Variants in PHKB observed in about 807,000 individuals in gnomAD.
PHKB encodes phosphorylase kinase regulatory subunit beta.
A neutral mutation model predicts 152.1 loss-of-function variants in PHKB; 122 were observed. That is an observed-to-expected ratio of 0.80 (90% CI 0.69 to 0.93). The LOEUF (loss-of-function observed/expected upper bound fraction) is 0.93. Among genes scored for constraint, PHKB ranks in the 40% least tolerant of loss-of-function variants. PHKB has a pLI of 0.00. For synonymous variants in PHKB, 436 were observed against 464.9 expected, an observed-to-expected ratio of 0.94 and a Z score of 0.80; for missense variants, 1,304 against 1,328.4, an observed-to-expected ratio of 0.98 and a Z score of 0.29.
At chr16:47,645,611 C>T (rs1001432316) in intron 16 of PHKB, among the ~76,000 whole-genome samples, 1 of 150,012 alleles carries the variant, frequency 6.7e-6, no homozygotes, top group Non-Finnish European at 1.5e-5. Context: ...GTTTTGGTTA[C>T]TGTAGCCTTG....
At chr16:47,592,060 A>G (rs1381216075) in intron 10 of PHKB, among the ~76,000 whole-genome samples, 1 of 152,164 alleles carries the variant, frequency 6.6e-6, no homozygotes, top group Non-Finnish European at 1.5e-5. Context: ...GCTACTAAAC[A>G]TTCCTGCACC....
At chr16:47,638,157 A>G (rs745364832) in intron 14 of PHKB, among the ~76,000 whole-genome samples, 10 of 152,170 alleles carry the variant, frequency 6.6e-5, no homozygotes, top group Non-Finnish European at 1.0e-4. Flanking sequence ...GAAGGTGTTA[A>G]GTCACCTGAG....
chr16:47,512,070 C>T (rs1011133123), intron 5 of PHKB, among the ~76,000 whole-genome samples: 9 of 152,342 alleles, frequency 5.9e-5, no homozygotes, highest in African/African-American at 2.2e-4. Context: ...GTAATGCTTG[C>T]TCACTGCTGC....
chr16:47,596,439 C>G lies in PHKB; in HGVS notation c.1271C>G (p.Pro424Arg). Residue 424 changes from proline to arginine, a missense_variant, in exon 13 of 31, where the codon CCT becomes CGT. Pro to Arg is a moderately radical substitution (Grantham distance 103). Coordinates refer to ENST00000323584, the MANE Select transcript of PHKB (RefSeq NM_000293.3). ...TTTGTAGAATATGAAAAAAATAACC[C>G]TGGTAGTCAAAAACGATTTCCTAGC... ...ADFVEYEKNNPGSQKRFPSNC... is the reference protein window; with the variant it reads ...ADFVEYEKNNRGSQKRFPSNC... 1 of 1,612,738 alleles carries G rather than the reference C, an allele frequency of 6.2e-7. No individual in the cohort carries two copies. Among genetic ancestry groups the G allele is most frequent in the Non-Finnish European group, 8.5e-7 (1 of 1,178,794 alleles).
At chr16:47,490,754 C>T (rs1001165817) in intron 1 of PHKB, among the ~76,000 whole-genome samples, 1 of 152,322 alleles carries the variant, frequency 6.6e-6, no homozygotes, top group East Asian at 1.9e-4. Flanking sequence ...ATAACCCTTT[C>T]CAAATTTTGC....
At chr16:47,532,644 C>T (rs1184974510) in intron 6 of PHKB, among the ~76,000 whole-genome samples, 2 of 152,236 alleles carry the variant, frequency 1.3e-5, no homozygotes, top group Admixed American at 6.5e-5. Flanking sequence ...GGACCAGGTG[C>T]ACTGTAAGCA....
chr16:47,544,159 A>G (rs913272539), intron 6 of PHKB, among the ~76,000 whole-genome samples: 2 of 151,968 alleles, frequency 1.3e-5, no homozygotes, highest in South Asian at 4.1e-4. Context: ...TTGCTTTTCT[A>G]GTTCTTTTAA....
At chr16:47,479,638 C>T (rs528279231) in intron 1 of PHKB, among the ~76,000 whole-genome samples, 1 of 152,168 alleles carries the variant, frequency 6.6e-6, no homozygotes, top group African/African-American at 2.4e-5. Context: ...AGTCTATCTA[C>T]AGCATCATAT....
At chr16:47,476,409 A>G (rs1359396327) in intron 1 of PHKB, among the ~76,000 whole-genome samples, 3 of 152,080 alleles carry the variant, frequency 2.0e-5, no homozygotes, top group Non-Finnish European at 4.4e-5. Flanking sequence ...AGTAAGGCTC[A>G]ATTAGTTTGT....
chr16:47,661,708 T>G lies in PHKB; in HGVS notation c.2197-11T>G, dbSNP rs561238652. The stretch of plus-strand genomic sequence containing the variant: ...TTCATTCCAGTTCCTCACCGTGATT[T>G]ATATTTTCAGGATTGCAGTTGTCTG... On this transcript the variant is annotated splice_polypyrimidine_tract_variant and intron_variant, in intron 22 of 30. Transcript: ENST00000323584. 6.3e-7 allele frequency: 1 copy of G among 1,598,908 alleles called. No individual in the cohort carries two copies. Among genetic ancestry groups the G allele is most frequent in the South Asian group, 1.1e-5 (1 of 90,792 alleles).
intron 1 of PHKB, among the ~76,000 whole-genome samples, chr16:47,484,828 A>G (rs1001807672): frequency 7.9e-5 from 12 of 152,228 alleles, no homozygotes; most frequent in African/African-American, 2.9e-4. Context: ...TCCTTTTTCC[A>G]TTTAAAAAAT....
At chr16:47,646,787 G>T (rs1452073928) in intron 16 of PHKB, among the ~76,000 whole-genome samples, 1 of 152,058 alleles carries the variant, frequency 6.6e-6, no homozygotes, top group East Asian at 1.9e-4. Context: ...ATTTCAAAGA[G>T]AATGTATTCT....
At chr16:47,623,805 G>T (rs910722053) in intron 14 of PHKB, among the ~76,000 whole-genome samples, 2 of 151,962 alleles carry the variant, frequency 1.3e-5, no homozygotes, top group South Asian at 2.1e-4. Context: ...TGATCCACCC[G>T]CCTCAGCCTT....
In PHKB at chr16:47,671,762, G is replaced by A. The variant is rs370039003; in HGVS notation, c.2630+2345G>A. ...AGCAGTCTTCCTTTCAGCATTATCC[G>A]AAATAGTGAAACATTGCGAACAACC... On this transcript the variant is annotated intron_variant, in intron 26 of 30. Coordinates refer to ENST00000323584, the MANE Select transcript of PHKB (RefSeq NM_000293.3). Among the ~76,000 whole-genome samples, 9 of 152,218 alleles carry A rather than the reference G, an allele frequency of 5.9e-5. No individual in the cohort carries two copies. In the East Asian group the frequency reaches 7.7e-4, roughly 13 times the overall value.
At chr16:47,538,470 G>A (rs1970993746) in intron 6 of PHKB, among the ~76,000 whole-genome samples, 1 of 152,218 alleles carries the variant, frequency 6.6e-6, no homozygotes, top group Non-Finnish European at 1.5e-5. Flanking sequence ...ATGTTTTGGA[G>A]AAATCTAGAA....
intron 7 of PHKB, among the ~76,000 whole-genome samples, chr16:47,555,753 T>C (rs1283161231): frequency 2.0e-5 from 3 of 152,222 alleles, no homozygotes; most frequent in African/African-American, 7.2e-5. Context: ...GACTTGGCGA[T>C]GTGGGCTCGT....
chr16:47,641,873 T>G lies in PHKB; in HGVS notation c.1608+181T>G, dbSNP rs548741928. On this transcript the variant is annotated intron_variant, in intron 16 of 30. Coordinates refer to ENST00000323584, the MANE Select transcript of PHKB (RefSeq NM_000293.3). ...TGGACATTGTTACTAAAAAAAAAAC[T>G]TTGCACTGTGTATATGTGTGTGTGC... 3.6e-4 allele frequency among the ~76,000 whole-genome samples: 55 copies of G among 152,170 alleles called. 1 individual carries two copies. In the South Asian group the frequency reaches 0.011, roughly 30 times the overall value.
intron 6 of PHKB, among the ~76,000 whole-genome samples, chr16:47,523,703 C>A (rs149880271): frequency 6.6e-6 from 1 of 152,164 alleles, no homozygotes; most frequent in Non-Finnish European, 1.5e-5. Flanking sequence ...GACACTTCAT[C>A]CCCCAGGTTT....
chr16:47,484,830 T>G (rs1970022871), intron 1 of PHKB, among the ~76,000 whole-genome samples: 1 of 152,196 alleles, frequency 6.6e-6, no homozygotes, highest in African/African-American at 2.4e-5. Flanking sequence ...CTTTTTCCAT[T>G]TAAAAAATTG....
Sources: allele counts gnomAD v4.1 joint callset (sites outside exome capture counted in the v4.1 genomes callset), GRCh38; gene constraint gnomAD v4.1.1; transcripts MANE v1.5; gene names NCBI Gene and HGNC (gene_info 2026-07-23, HGNC 2026-07-21).